The following RBFOX1 variants were observed in gnomAD, a reference collection of about 807,000 sequenced individuals.
RBFOX1 encodes RNA binding protein fox-1 homolog 1.
RBFOX1 carries 8 observed loss-of-function variants against 57.7 expected under a neutral mutation model. That is an observed-to-expected ratio of 0.14 (90% CI 0.08 to 0.25). The LOEUF (loss-of-function observed/expected upper bound fraction) is 0.25. RBFOX1 is among the 10% of genes least tolerant of loss of function. RBFOX1 has a pLI of 1.00. For missense variants in RBFOX1, 611 were observed against 548.5 expected, an observed-to-expected ratio of 1.11 and a Z score of -1.14; for synonymous variants, 326 against 222.4, an observed-to-expected ratio of 1.47 and a Z score of -4.15.
At chr16:7,449,729 TGGG>T (rs1194406323) in intron 4 of RBFOX1, among the ~76,000 whole-genome samples, 1 of 76,676 alleles carries the variant, frequency 1.3e-5, no homozygotes, top group African/African-American at 5.5e-5. Flanking sequence ...TGTGTGTGTG[TGGG>T]GGGGGGGGGT....
chr16:5,630,136 C>G (rs1482628981), intron 3 of RBFOX1, among the ~76,000 whole-genome samples: 4 of 152,152 alleles, frequency 2.6e-5, no homozygotes, highest in African/African-American at 9.7e-5. Context: ...ATGGTGCCTT[C>G]TGCAGGAGTA....
At chr16:6,698,974 A>G (rs1321358489) in intron 3 of RBFOX1, among the ~76,000 whole-genome samples, 2 of 152,196 alleles carry the variant, frequency 1.3e-5, no homozygotes, top group African/African-American at 4.8e-5. Flanking sequence ...ATGATTGTGA[A>G]AATGAGCTTA....
intron 11 of RBFOX1, among the ~76,000 whole-genome samples, chr16:7,636,321 T>C (rs2061747848): frequency 6.6e-6 from 1 of 152,228 alleles, no homozygotes; most frequent in Admixed American, 6.5e-5. Context: ...AGTTTGTCTC[T>C]GCCTTTCTCC....
intron 5 of RBFOX1, among the ~76,000 whole-genome samples, chr16:7,562,317 C>T (rs2090571908): frequency 6.6e-6 from 1 of 152,088 alleles, no homozygotes; most frequent in African/African-American, 2.4e-5. Context: ...CATTAGGGTA[C>T]CTGCCGCCTG....
chr16:6,111,278 C>G (rs1017012039), intron 1 of RBFOX1, among the ~76,000 whole-genome samples: 4 of 152,194 alleles, frequency 2.6e-5, no homozygotes, highest in Admixed American at 2.6e-4. Flanking sequence ...ATACAGGTCT[C>G]ATATCAGCCT....
intron 1 of RBFOX1, among the ~76,000 whole-genome samples, chr16:6,222,109 C>T (rs1331036110): frequency 1.3e-5 from 2 of 152,030 alleles, no homozygotes; most frequent in African/African-American, 2.4e-5. Flanking sequence ...TGTTTATTTC[C>T]AGCATGATGT....
chr16:5,401,163 G>C (rs376020952), intron 1 of RBFOX1, among the ~76,000 whole-genome samples: 13 of 151,968 alleles, frequency 8.6e-5, no homozygotes, highest in African/African-American at 3.1e-4. Context: ...CTTAATATTG[G>C]CTAAAGGTTT....
intron 4 of RBFOX1, among the ~76,000 whole-genome samples, chr16:7,181,579 C>A (rs551054467): frequency 6.6e-6 from 1 of 151,630 alleles, no homozygotes; most frequent in Non-Finnish European, 1.5e-5. Context: ...TCCTCTCTTT[C>A]TCGCTTGCTT....
chr16:5,631,584 T>C (rs1349650958), intron 3 of RBFOX1, among the ~76,000 whole-genome samples: 1 of 152,046 alleles, frequency 6.6e-6, no homozygotes, highest in Non-Finnish European at 1.5e-5. Flanking sequence ...GTCTCTTCTA[T>C]GTATCCATTA....
chr16:6,762,626 T>A (rs2076772894), intron 3 of RBFOX1, among the ~76,000 whole-genome samples: 2 of 152,196 alleles, frequency 1.3e-5, no homozygotes, highest in Non-Finnish European at 2.9e-5. Flanking sequence ...AAAGTCATTT[T>A]ATCAAAATTT....
At chr16:5,576,430 CA>C (rs1415768016) in intron 2 of RBFOX1, among the ~76,000 whole-genome samples, 1 of 152,120 alleles carries the variant, frequency 6.6e-6, no homozygotes. Context: ...TTAAAAAAAT[CA>C]AGGCAAATAA....
chr16:7,132,820 A>C (rs1333647599), intron 4 of RBFOX1, among the ~76,000 whole-genome samples: 1 of 152,206 alleles, frequency 6.6e-6, no homozygotes, highest in Non-Finnish European at 1.5e-5. Flanking sequence ...ATTGAAAAAA[A>C]AAGATACATC....
chr16:6,566,908 T>C (rs1047702328), intron 2 of RBFOX1, among the ~76,000 whole-genome samples: 2 of 152,220 alleles, frequency 1.3e-5, no homozygotes, highest in Non-Finnish European at 1.5e-5. Flanking sequence ...TTGGCAAGTC[T>C]TTGAACATAG....
In RBFOX1 at chr16:6,660,571, C is replaced by T. The variant is rs1603206399; in HGVS notation, c.-16+5921C>T. ...GCTTGAAATGTCTGGGTTTCAATCC[C>T]AGCCCTCCCAAATAGCAACTCTGTG... On this transcript the variant is annotated intron_variant, in intron 3 of 15. Transcript: ENST00000550418. Among the ~76,000 whole-genome samples the T allele has an allele frequency of 2.6e-5, 4 of 152,212 alleles. No individual in the cohort carries two copies. In the East Asian group the frequency reaches 7.7e-4, roughly 29 times the overall value.
intron 4 of RBFOX1, among the ~76,000 whole-genome samples, chr16:7,082,918 A>G (rs147565032): frequency 0.011 from 1,629 of 152,350 alleles, 15 homozygotes; most frequent in Non-Finnish European, 0.016. Flanking sequence ...CTTGACAACA[A>G]GAGTTGTAAA....
chr16:6,413,207 G>C (rs1247349287), intron 2 of RBFOX1, among the ~76,000 whole-genome samples: 1 of 151,694 alleles, frequency 6.6e-6, no homozygotes, highest in South Asian at 2.1e-4. Context: ...TAATCCCAGA[G>C]ACTTGGGCGG....
intron 3 of RBFOX1, among the ~76,000 whole-genome samples, chr16:5,628,231 T>G (rs1290614571): frequency 6.6e-6 from 1 of 152,202 alleles, no homozygotes; most frequent in Non-Finnish European, 1.5e-5. Flanking sequence ...AGTTGAGGAC[T>G]TGGGAGTTGA....
intron 4 of RBFOX1, among the ~76,000 whole-genome samples, chr16:5,875,270 T>G (rs1351023371): frequency 1.3e-5 from 2 of 152,158 alleles, no homozygotes; most frequent in Non-Finnish European, 2.9e-5. Flanking sequence ...GGAGAAGTGG[T>G]GTAGGTTGGC....
At chr16:6,663,921 A>C (rs1395492954) in intron 3 of RBFOX1, among the ~76,000 whole-genome samples, 1 of 152,208 alleles carries the variant, frequency 6.6e-6, no homozygotes, top group Non-Finnish European at 1.5e-5. Flanking sequence ...CAGCAGTGGG[A>C]AAAGTGGCTA....
Sources: gnomAD v4.1 joint callset for allele counts (sites outside exome capture counted in the v4.1 genomes callset) on GRCh38, gnomAD v4.1.1 for gene constraint, MANE v1.5 for transcripts, NCBI Gene and HGNC (gene_info 2026-07-23, HGNC 2026-07-21) for gene names.